The following OTOG variants were observed in gnomAD, a reference collection of about 807,000 sequenced individuals.
OTOG encodes otogelin.
A neutral mutation model predicts 313.8 loss-of-function variants in OTOG; 296 were observed. That is an observed-to-expected ratio of 0.94 (90% CI 0.86 to 1.04). The LOEUF (loss-of-function observed/expected upper bound fraction) is 1.04, where lower values mean the gene tolerates loss of function less well. OTOG is among the 50% of genes least tolerant of loss of function. OTOG has a pLI of 0.00. For synonymous variants in OTOG, 1,533 were observed against 1,554.9 expected (o/e 0.99, Z 0.33); for missense variants, 3,948 against 3,840.1 (o/e 1.03, Z -0.74).
At chr11:17,628,921 A>C (rs2133698713) in intron 39 of OTOG, among the ~76,000 whole-genome samples, 1 of 152,358 alleles carries the variant, frequency 6.6e-6, no homozygotes, top group Middle Eastern at 3.4e-3. Context: ...TTTTCCAATA[A>C]AGATATTTTC....
chr11:17,556,980 C>G (rs1852069216), intron 7 of OTOG, 138 bp from the exon 8 acceptor site: 2 of 800,944 alleles, frequency 2.5e-6, no homozygotes, highest in Non-Finnish European at 3.9e-6. Context: ...TTCCAGGCAC[C>G]TGGGAATTCT....
chr11:17,594,380 C>T (rs1304204397), intron 28 of OTOG, among the ~76,000 whole-genome samples: 1 of 152,118 alleles, frequency 6.6e-6, no homozygotes, highest in Non-Finnish European at 1.5e-5. Flanking sequence ...CCCACCCTAC[C>T]CTGGACCAAG....
chr11:17,611,493 A>G, intron 36 of OTOG, 70 bp downstream of exon 36: 1 of 1,396,456 alleles, frequency 7.2e-7, no homozygotes, highest in Non-Finnish European at 9.6e-7. Flanking sequence ...CTTCCCTGCT[A>G]GATGGAGTTT....
intron 4 of OTOG, 122 bp from the exon 5 acceptor site, chr11:17,552,997 G>C: frequency 1.2e-6 from 1 of 842,968 alleles, no homozygotes; most frequent in Admixed American, 2.2e-5. Flanking sequence ...AGCTGCTGAG[G>C]AATGTTGGGG....
intron 32 of OTOG, among the ~76,000 whole-genome samples, chr11:17,602,667 C>T (rs1038616064): frequency 1.3e-5 from 2 of 152,140 alleles, no homozygotes; most frequent in Non-Finnish European, 2.9e-5. Context: ...TCTCCCTCCT[C>T]ATGCTCCTCC....
intron 6 of OTOG, 27 bp from the exon 7 acceptor site, chr11:17,555,751 CA>C (rs1565089591): frequency 6.5e-7 from 1 of 1,537,270 alleles, no homozygotes; most frequent in Non-Finnish European, 8.8e-7. Context: ...CAGGAGCCTG[CA>C]AACCAGCCTC....
chr11:17,567,623 C>T (rs563807664), intron 15 of OTOG, among the ~76,000 whole-genome samples: 2 of 152,314 alleles, frequency 1.3e-5, no homozygotes, highest in South Asian at 4.1e-4. Context: ...GAGTTACAGG[C>T]GTAAGCCACT....
At chr11:17,645,525 G>C in intron 54 of OTOG, 39 bp from the exon 55 acceptor site, 1 of 1,542,806 alleles carries the variant, frequency 6.5e-7, no homozygotes, top group Non-Finnish European at 8.8e-7. Flanking sequence ...GAAGAAGCCT[G>C]GTCTTGGCCA....
chr11:17,573,634 A>G (rs1369158906), intron 19 of OTOG, among the ~76,000 whole-genome samples: 2 of 152,028 alleles, frequency 1.3e-5, no homozygotes, highest in African/African-American at 4.8e-5. Context: ...TCAAAAGACC[A>G]CTGGCTGTTG....
chr11:17,565,957 T>C (rs1253869525), intron 15 of OTOG, among the ~76,000 whole-genome samples: 5 of 152,166 alleles, frequency 3.3e-5, no homozygotes, highest in Admixed American at 1.3e-4. Flanking sequence ...ATTACCAGGT[T>C]CTCCTGATTC....
chr11:17,640,939 G>T lies in OTOG; in HGVS notation c.8038G>T (p.Glu2680Ter). The T allele has an allele frequency of 1.3e-6, 2 of 1,548,234 alleles. No homozygotes were observed. Among genetic ancestry groups the T allele is most frequent in the South Asian group, 1.2e-5 (1 of 84,046 alleles). ...CVKAPVCLSR[E>*]LGVMQPGQTV... ...GAAGGCCCCGGTGTGTCTGAGCCGC[G>T]AGCTGGGTGTGATGCAGCCCGGCCA... The change falls in exon 51 of 56, where the codon GAG becomes TAG. Residue 2680 changes from glutamate (E) to a stop codon, truncating the protein, a stop_gained. Coordinates refer to ENST00000399397, the MANE Select transcript of OTOG (RefSeq NM_001292063.2). LOFTEE classifies it high-confidence loss of function.
chr11:17,557,868 T>A (rs960603700), intron 8 of OTOG, among the ~76,000 whole-genome samples: 2 of 152,162 alleles, frequency 1.3e-5, no homozygotes, highest in African/African-American at 4.8e-5. Flanking sequence ...ATGGGGAAAC[T>A]GAGGCTCAGA....
At chr11:17,565,335 G>C (rs1590003336) in intron 15 of OTOG, among the ~76,000 whole-genome samples, 1 of 152,042 alleles carries the variant, frequency 6.6e-6, no homozygotes, top group Admixed American at 6.5e-5. Context: ...CTGGGGTTAT[G>C]GTTTTTTTTG....
At chr11:17,555,733 G>A (rs1450202685) in intron 6 of OTOG, 46 bp from the exon 7 acceptor site, 1 of 1,472,282 alleles carries the variant, frequency 6.8e-7, no homozygotes, top group Non-Finnish European at 9.3e-7. Context: ...TCAGGGTCAG[G>A]CCTGTGGCAG....
intron 4 of OTOG, among the ~76,000 whole-genome samples, chr11:17,552,310 C>G (rs986458374): frequency 2.0e-5 from 3 of 152,182 alleles, no homozygotes; most frequent in African/African-American, 7.2e-5. Flanking sequence ...CCCGGGACTG[C>G]CCCCTCACAG....
intron 15 of OTOG, among the ~76,000 whole-genome samples, chr11:17,563,853 G>GTTTTTT (rs1565094488): frequency 2.2e-5 from 3 of 133,398 alleles, no homozygotes; most frequent in African/African-American, 6.3e-5. Context: ...GCTAGTTTTT[G>GTTTTTT]GTTTTTTTTT....
intron 51 of OTOG, 66 bp from the exon 52 acceptor site, chr11:17,641,781 C>T: frequency 1.7e-6 from 2 of 1,192,476 alleles, no homozygotes; most frequent in South Asian, 1.4e-5. Flanking sequence ...CACAGATAAC[C>T]AGGCAGTGGG....
chr11:17,600,214 G>A, intron 31 of OTOG, among the ~76,000 whole-genome samples: 1 of 152,128 alleles, frequency 6.6e-6, no homozygotes, highest in South Asian at 2.1e-4. Flanking sequence ...TGAAAACACA[G>A]GTCATAACCA....
Position 17,641,106 on chromosome 11 carries a change from AGGGC to A in OTOG, c.8190+19_8190+22del. 1.5e-5 allele frequency: 1 copy of A among 68,464 alleles called. No individual in the cohort carries two copies. Among genetic ancestry groups the A allele is most frequent in the Non-Finnish European group, 2.9e-5 (1 of 34,934 alleles). 4.2% of individuals were successfully genotyped at this position (68,464 alleles called of 1,614,324 possible). A position where few individuals can be genotyped will look rare whatever the true frequency, so the allele number is the denominator to read the frequency against. On this transcript the variant is annotated intron_variant, in intron 51 of 55. Transcript: ENST00000399397. The stretch of plus-strand genomic sequence containing the variant: ...ACTGTGAGGCGGTAGGGTGCAGCCC[AGGGC>A]GGGGTGGGTGGGGTTGGGAGGGCTT...
Sources: allele counts gnomAD v4.1 joint callset (sites outside exome capture counted in the v4.1 genomes callset), GRCh38; gene constraint gnomAD v4.1.1; transcripts MANE v1.5; gene names NCBI Gene and HGNC (gene_info 2026-07-23, HGNC 2026-07-21).